TXNRD3: variants seen among roughly 807,000 people sequenced by gnomAD.
The protein encoded by TXNRD3 is TXNRD3 neighbor gene protein.
A neutral mutation model predicts 78.2 loss-of-function variants in TXNRD3; 68 were observed. The observed-to-expected ratio is 0.87, with a 90% CI of 0.72 to 1.06. The LOEUF is 1.06. Among genes scored for constraint, TXNRD3 ranks in the 50% least tolerant of loss-of-function variants. The pLI is 0.00. For missense variants in TXNRD3, 751 were observed against 809.5 expected, an observed-to-expected ratio of 0.93 and a Z score of 0.88; for synonymous variants, 296 against 300.1, an observed-to-expected ratio of 0.99 and a Z score of 0.14.
Position 126,654,891 on chromosome 3 carries a change from G to T in TXNRD3, c.100C>A (p.Pro34Thr). Residue 34 changes from proline to threonine, a missense_variant, in exon 1 of 16, where the codon CCG becomes ACG. Coordinates refer to ENST00000524230, the MANE Select transcript of TXNRD3 (RefSeq NM_052883.3). Reference sequence around the variant, plus strand: ...GACGACAGGCGGGCACGGCGCCCCGGCGGCGACAACACGCGCGCCCCTCGG... The same window carrying T: ...GACGACAGGCGGGCACGGCGCCCCGTCGGCGACAACACGCGCGCCCCTCGG... 5 of 1,322,944 alleles carry T rather than the reference G, an allele frequency of 3.8e-6. No homozygotes were observed. Among genetic ancestry groups the T allele is most frequent in the Non-Finnish European group, 4.8e-6 (5 of 1,045,002 alleles). 82.0% of individuals were successfully genotyped at this position (1,322,944 alleles called of 1,614,324 possible). A position where few individuals can be genotyped will look rare whatever the true frequency, so the allele number is the denominator to read the frequency against.
chr3:126,622,888 T>C (rs1333660040), intron 10 of TXNRD3, among the ~76,000 whole-genome samples: 1 of 152,016 alleles, frequency 6.6e-6, no homozygotes. Flanking sequence ...GTATGACTGG[T>C]GTGCTATAAG....
intron 8 of TXNRD3, among the ~76,000 whole-genome samples, chr3:126,631,476 C>A (rs1357809254): frequency 6.6e-6 from 1 of 151,722 alleles, no homozygotes; most frequent in Non-Finnish European, 1.5e-5. Flanking sequence ...ACTGTATTTA[C>A]TTCTTTGTTT....
At chr3:126,623,307 T>C (rs1199865448) in intron 10 of TXNRD3, among the ~76,000 whole-genome samples, 1 of 152,120 alleles carries the variant, frequency 6.6e-6, no homozygotes, top group African/African-American at 2.4e-5. Flanking sequence ...AAAAACTCTT[T>C]CAGGAAAGAG....
chr3:126,644,842 G>A (rs756795630), intron 3 of TXNRD3, among the ~76,000 whole-genome samples: 2 of 152,120 alleles, frequency 1.3e-5, no homozygotes, highest in Admixed American at 6.5e-5. Context: ...CTCATAAATC[G>A]ATCTAACTTT....
chr3:126,641,110 G>A (rs897737176), intron 6 of TXNRD3, among the ~76,000 whole-genome samples: 13 of 152,120 alleles, frequency 8.5e-5, no homozygotes, highest in African/African-American at 2.2e-4. Context: ...TAATCATTTC[G>A]AAACAATCAT....
Position 126,608,490 on chromosome 3 carries a change from G to A in TXNRD3, c.1863+9C>T, listed in dbSNP as rs1938113540. ...CTGAAGCCAATTTTTAAAACCTCCT[G>A]TTTCCTACCTCCCCACATGTGGGGT... On this transcript the variant is annotated intron_variant, in intron 15 of 15. Coordinates refer to ENST00000524230, the MANE Select transcript of TXNRD3 (RefSeq NM_052883.3). 1 of 1,523,226 alleles carries A rather than the reference G, an allele frequency of 6.6e-7. No individual in the cohort carries two copies. Among genetic ancestry groups the A allele is most frequent in the Non-Finnish European group, 8.8e-7 (1 of 1,142,290 alleles). 94.4% of individuals were successfully genotyped at this position (1,523,226 alleles called of 1,614,324 possible).
intron 6 of TXNRD3, among the ~76,000 whole-genome samples, chr3:126,641,551 T>C (rs1933089179): frequency 1.3e-5 from 2 of 152,184 alleles, no homozygotes; most frequent in Non-Finnish European, 2.9e-5. Context: ...GATCTCCTTG[T>C]CTCTCTCCCA....
chr3:126,652,342 C>G (rs1050654849), intron 1 of TXNRD3, among the ~76,000 whole-genome samples: 1 of 152,136 alleles, frequency 6.6e-6, no homozygotes, highest in African/African-American at 2.4e-5. Context: ...GAAATCCACC[C>G]CCATGATCCA....
intron 11 of TXNRD3, among the ~76,000 whole-genome samples, 155 bp downstream of exon 11, chr3:126,622,309 A>C (rs1479997698): frequency 6.6e-6 from 1 of 152,252 alleles, no homozygotes; most frequent in Non-Finnish European, 1.5e-5. Flanking sequence ...AGTAAGAGTT[A>C]CTGATTGATG....
chr3:126,651,407 A>T (rs1303368331), intron 1 of TXNRD3, among the ~76,000 whole-genome samples: 1 of 152,256 alleles, frequency 6.6e-6, no homozygotes, highest in Non-Finnish European at 1.5e-5. Flanking sequence ...AGTTGTCCAA[A>T]TATGTCATGG....
chr3:126,630,558 C>G (rs1272939546), intron 9 of TXNRD3, among the ~76,000 whole-genome samples, 154 bp downstream of exon 9: 1 of 151,736 alleles, frequency 6.6e-6, no homozygotes, highest in East Asian at 1.9e-4. Context: ...GAAGAGGGGA[C>G]GAGGGGGAAA....
chr3:126,633,973 A>T lies in TXNRD3; in HGVS notation c.791T>A (p.Leu264Gln). The T allele has an allele frequency of 6.6e-7, 1 of 1,523,940 alleles. No individual in the cohort carries two copies. The highest frequency in any genetic ancestry group is 8.8e-7 in the Non-Finnish European group (1 of 1,139,614). 94.4% of individuals were successfully genotyped at this position (1,523,940 alleles called of 1,614,324 possible). A position where few individuals can be genotyped will look rare whatever the true frequency, so the allele number is the denominator to read the frequency against. ...GACATAGGCCACAGCCTTTTCCCTC[A>T]GAGACAACCTGTAGCCCCAGTTTAG... Residue 264 changes from leucine (L) to glutamine (Q), a missense_variant, in exon 7 of 16, where the codon CTG becomes CAG. Transcript: ENST00000524230.
At chr3:126,651,331 T>G (rs1168684826) in intron 1 of TXNRD3, among the ~76,000 whole-genome samples, 1 of 152,110 alleles carries the variant, frequency 6.6e-6, no homozygotes, top group East Asian at 1.9e-4. Context: ...AATGCTCACC[T>G]CCAAGAATGA....
At chr3:126,611,295 G>T (rs1938194124) in intron 13 of TXNRD3, among the ~76,000 whole-genome samples, 163 bp from the exon 14 acceptor site, 1 of 152,226 alleles carries the variant, frequency 6.6e-6, no homozygotes, top group Non-Finnish European at 1.5e-5. Flanking sequence ...CCAGGGTCAA[G>T]GCTCCTGAAA....
rs1056610274 is a variant in TXNRD3, at chr3:126,608,017, T to A, written c.1864-44A>T. 10 of 1,378,466 alleles carry A rather than the reference T, an allele frequency of 7.3e-6. No individual in the cohort carries two copies. In the Admixed American group the frequency reaches 2.1e-4, roughly 28 times the overall value. 85.4% of individuals were successfully genotyped at this position (1,378,466 alleles called of 1,614,324 possible). ...ACAAATACATATTTAGATGTTAGTA[T>A]TGTTTTAAAAAAACACATTCTGAAT... On this transcript the variant is annotated intron_variant, in intron 15 of 15. Coordinates refer to ENST00000524230, the MANE Select transcript of TXNRD3 (RefSeq NM_052883.3).
At chr3:126,621,289 G>A (rs1228152371) in intron 12 of TXNRD3, among the ~76,000 whole-genome samples, 1 of 152,190 alleles carries the variant, frequency 6.6e-6, no homozygotes, top group Non-Finnish European at 1.5e-5. Flanking sequence ...AGGCCAAGTG[G>A]GCACTGAAGC....
intron 14 of TXNRD3, 64 bp from the exon 15 acceptor site, chr3:126,608,697 C>T: frequency 1.4e-6 from 2 of 1,455,830 alleles, no homozygotes; most frequent in Non-Finnish European, 1.8e-6. Context: ...TGGATCCATT[C>T]ACTGCAAATT....
At chr3:126,615,610 TAC>T in intron 12 of TXNRD3, 148 bp from the exon 13 acceptor site, 1 of 420,838 alleles carries the variant, frequency 2.4e-6, no homozygotes, top group East Asian at 3.9e-5. Context: ...AACTCTAAGG[TAC>T]CTTAACAGAG....
At chr3:126,626,223 TC>T (rs1938576528) in intron 10 of TXNRD3, among the ~76,000 whole-genome samples, 1 of 152,190 alleles carries the variant, frequency 6.6e-6, no homozygotes, top group African/African-American at 2.4e-5. Context: ...AAGGGATACT[TC>T]CATGACCTTT....
Sources: allele counts gnomAD v4.1 joint callset (sites outside exome capture counted in the v4.1 genomes callset), GRCh38; gene constraint gnomAD v4.1.1; transcripts MANE v1.5; gene names NCBI Gene and HGNC (gene_info 2026-07-23, HGNC 2026-07-21).